The following PDE3B variants were observed in gnomAD, a reference collection of about 807,000 sequenced individuals.
PDE3B encodes the protein cGMP-inhibited 3',5'-cyclic phosphodiesterase 3B.
A neutral mutation model predicts 116.8 loss-of-function variants in PDE3B; 66 were observed. The ratio of observed to expected loss-of-function variants is 0.56; its 90% confidence interval spans 0.46 to 0.69. The LOEUF (loss-of-function observed/expected upper bound fraction) is 0.69. PDE3B is among the 30% of genes least tolerant of loss of function. The probability of loss-of-function intolerance (pLI) is 0.00; values close to 1 mark genes in which losing one functional copy is unlikely to be tolerated. For missense variants in PDE3B, 1,384 were observed against 1,368.1 expected (o/e 1.01, Z -0.18); for synonymous variants, 595 against 533.6 (o/e 1.12, Z -1.59).
At chr11:14,876,684 C>T (rs1476625565), downstream of PDE3B, among the ~76,000 whole-genome samples, 3 of 152,172 alleles carry the variant, frequency 2.0e-5, no homozygotes, top group Admixed American at 6.5e-5. Context: ...CTCCCAGAAA[C>T]GATCTAAGCT....
At chr11:14,657,562 T>C (rs978106877) in intron 1 of PDE3B, among the ~76,000 whole-genome samples, 1 of 152,342 alleles carries the variant, frequency 6.6e-6, no homozygotes, top group Admixed American at 6.5e-5. Context: ...TACACATTAC[T>C]AAATACCAGT....
chr11:14,889,386 T>C, the PDE3B span, among the ~76,000 whole-genome samples: 4 of 152,222 alleles, frequency 2.6e-5, no homozygotes, highest in African/African-American at 9.6e-5. Flanking sequence ...GGGAGATCTT[T>C]AGAGATGTTT....
intron 4 of PDE3B, among the ~76,000 whole-genome samples, chr11:14,802,515 A>G (rs1170605354): frequency 6.6e-6 from 1 of 152,112 alleles, no homozygotes; most frequent in African/African-American, 2.4e-5. Context: ...CGAACTGGGT[A>G]CCTCAGTTGG....
chr11:14,677,233 G>A (rs1373807655), intron 1 of PDE3B, among the ~76,000 whole-genome samples: 2 of 152,030 alleles, frequency 1.3e-5, no homozygotes, highest in African/African-American at 2.4e-5. Context: ...TTTTCTGGTG[G>A]TGTCATTTTC....
chr11:14,846,157 A>C (rs1017309956), intron 12 of PDE3B, among the ~76,000 whole-genome samples: 1 of 152,238 alleles, frequency 6.6e-6, no homozygotes, highest in Non-Finnish European at 1.5e-5. Flanking sequence ...GAAACTCTAC[A>C]AGCCAGAAGA....
intron 2 of PDE3B, among the ~76,000 whole-genome samples, chr11:14,783,275 T>C (rs1858083833): frequency 1.3e-5 from 2 of 152,190 alleles, no homozygotes; most frequent in Admixed American, 1.3e-4. Flanking sequence ...ACCCAAAGGA[T>C]GATAAATCAT....
In PDE3B at chr11:14,644,137, G is replaced by A. The variant is rs776397539; in HGVS notation, c.62G>A (p.Gly21Asp). 5.7e-6 allele frequency: 9 copies of A among 1,587,766 alleles called. No individual in the cohort carries two copies. Among genetic ancestry groups the A allele is most frequent in the Admixed American group, 1.7e-5 (1 of 58,596 alleles). Reference protein sequence around the residue: ...MRSLQPPDGAGSPPESLRNGY... With the variant: ...MRSLQPPDGADSPPESLRNGY... ...TCCCTGCAGCCGCCGGATGGGGCCG[G>A]CTCGCCCCCCGAGAGTCTGAGGAAC... The change falls in exon 1 of 16, where the codon GGC (glycine) becomes GAC (aspartate). Residue 21 changes from glycine to aspartate, a missense_variant. By Grantham distance (94) the Gly-to-Asp change is moderately conservative. This residue lies in a region of PDE3B where 956 missense variants were observed against 806.8 expected (regional missense o/e 1.18). Transcript: ENST00000282096.
intron 1 of PDE3B, among the ~76,000 whole-genome samples, chr11:14,721,486 G>T (rs1263641345): frequency 2.6e-5 from 4 of 151,590 alleles, no homozygotes; most frequent in East Asian, 1.9e-4. Flanking sequence ...TATGTTTATT[G>T]TGGCATTATT....
chr11:14,764,877 CT>C (rs1352724423), intron 1 of PDE3B, among the ~76,000 whole-genome samples: 2 of 150,892 alleles, frequency 1.3e-5, no homozygotes, highest in African/African-American at 2.4e-5. Context: ...TCCCCCCACA[CT>C]TTTTTTTTCT....
chr11:14,879,171 A>G, the PDE3B span: 2 of 1,613,270 alleles, frequency 1.2e-6, no homozygotes, highest in Non-Finnish European at 1.7e-6. Context: ...CTGTCCAGAA[A>G]TCGCTCAGGA....
intron 1 of PDE3B, among the ~76,000 whole-genome samples, chr11:14,725,309 C>CTCTTTCTT (rs10534250): frequency 0.11 from 15,804 of 147,344 alleles, 1,094 homozygotes; most frequent in African/African-American, 0.2. Flanking sequence ...TTCTTTCTTT[C>CTCTTTCTT]TCTTTCTTTC....
At chr11:14,879,554 G>T in the PDE3B span, 1 of 716,098 alleles carries the variant, frequency 1.4e-6, no homozygotes, top group Non-Finnish European at 2.3e-6. Flanking sequence ...ATAGGATATA[G>T]ATACATCCAG....
Position 14,777,360 on chromosome 11 carries a change from GA to G in PDE3B, c.1029+5374del. The stretch of plus-strand genomic sequence containing the variant: ...AGAAGTAATGGCTGAAAACTTCCCA[GA>G]TTTAGCCAAAAACTTAATCCTACAG... On this transcript the variant is annotated intron_variant, in intron 2 of 15. Coordinates refer to ENST00000282096, the MANE Select transcript of PDE3B (RefSeq NM_000922.4). 2.0e-5 allele frequency among the ~76,000 whole-genome samples: 3 copies of G among 152,298 alleles called. No individual in the cohort carries two copies. In the South Asian group the frequency reaches 6.2e-4, roughly 32 times the overall value.
rs201255838 is a variant in PDE3B, at chr11:14,859,034, T to A, written c.2521-9T>A. 50 of 1,592,160 alleles carry A rather than the reference T, an allele frequency of 3.1e-5. No homozygotes were observed. The South Asian group carries it at 5.7e-4, about 18-fold the overall frequency. On this transcript the variant is annotated splice_polypyrimidine_tract_variant and intron_variant, in intron 12 of 15. Coordinates refer to ENST00000282096, the MANE Select transcript of PDE3B (RefSeq NM_000922.4). Reference sequence around the variant, plus strand: ...GGTGTCTGCCTCATTTTTCTATATTTCTTTTTAGGCAGTTTTATACAATGA... The same window carrying A: ...GGTGTCTGCCTCATTTTTCTATATTACTTTTTAGGCAGTTTTATACAATGA...
chr11:14,828,236 A>G (rs1039207955), intron 7 of PDE3B, among the ~76,000 whole-genome samples: 2 of 152,214 alleles, frequency 1.3e-5, no homozygotes, highest in African/African-American at 4.8e-5. Context: ...AACTGAGTCA[A>G]TACCATTCTG....
intron 12 of PDE3B, among the ~76,000 whole-genome samples, chr11:14,853,612 A>C (rs782566040): frequency 3.9e-5 from 6 of 152,230 alleles, no homozygotes; most frequent in Non-Finnish European, 8.8e-5. Flanking sequence ...GCCATAATTA[A>C]TGAAAGATAT....
chr11:14,892,018 T>C, the PDE3B span: 8 of 1,613,438 alleles, frequency 5.0e-6, no homozygotes, highest in Non-Finnish European at 6.8e-6. Flanking sequence ...CATGTAGACA[T>C]GGGGAAGCTC....
chr11:14,724,950 T>A (rs946434540), intron 1 of PDE3B, among the ~76,000 whole-genome samples: 14 of 152,204 alleles, frequency 9.2e-5, no homozygotes, highest in African/African-American at 3.1e-4. Context: ...GATAAGATAG[T>A]CAAGATCTTT....
At chr11:14,647,696 C>T (rs1370462546) in intron 1 of PDE3B, among the ~76,000 whole-genome samples, 1 of 151,856 alleles carries the variant, frequency 6.6e-6, no homozygotes, top group Non-Finnish European at 1.5e-5. Context: ...ATGTTCATTT[C>T]CTTAAGAATT....
Sources: gnomAD v4.1 joint callset for allele counts (sites outside exome capture counted in the v4.1 genomes callset) on GRCh38, gnomAD v4.1.1 for gene constraint, gnomAD v4.1.1 regional missense constraint, MANE v1.5 for transcripts, NCBI Gene and HGNC (gene_info 2026-07-23, HGNC 2026-07-21) for gene names.